Variants in ADGB observed in about 807,000 individuals in gnomAD.
The protein encoded by ADGB is calpain-7-like protein.
ADGB carries 172 observed loss-of-function variants against 210.5 expected under a neutral mutation model. That is an observed-to-expected ratio of 0.82 (90% confidence interval 0.72 to 0.93). The LOEUF (loss-of-function observed/expected upper bound fraction) is 0.93. Ranked by LOEUF, ADGB falls within the 40% of genes least tolerant of loss-of-function variation. ADGB has a pLI of 0.00. For synonymous variants in ADGB, 658 were observed against 662.7 expected, an observed-to-expected ratio of 0.99 and a Z score of 0.11; for missense variants, 2,025 against 1,964.8, an observed-to-expected ratio of 1.03 and a Z score of -0.58.
intron 33 of ADGB, 45 bp from the exon 34 acceptor site, chr6:146,801,138 T>C (rs1226220009): frequency 2.6e-6 from 3 of 1,138,790 alleles, no homozygotes; most frequent in Non-Finnish European, 3.6e-6. Context: ...TCATTATTAT[T>C]TTTTAAAGCC....
intron 26 of ADGB, among the ~76,000 whole-genome samples, chr6:146,750,479 G>A (rs943503983): frequency 6.6e-6 from 1 of 152,022 alleles, no homozygotes; most frequent in African/African-American, 2.4e-5. Flanking sequence ...TATCACTTGA[G>A]CCCAGGAGTT....
At position 146,785,629 on chromosome 6, in the gene ADGB, A is replaced by G. The variant is rs1363649867; in HGVS notation, c.4232A>G (p.His1411Arg). ...TTTTAGGCTTCTCAGGCTCGTTTGC[A>G]TTACCTTAGCGGGTTCATTAAGAAA... is the stretch of plus-strand genomic sequence containing the variant. ...RAIKASQARL[H>R]YLSGFIKKTS... Residue 1411 changes from histidine (H) to arginine (R), a missense_variant, in exon 32 of 36, where the codon CAT (histidine) becomes CGT (arginine). Coordinates refer to ENST00000397944, the MANE Select transcript of ADGB (RefSeq NM_024694.4). 1.3e-6 allele frequency: 2 copies of G among 1,550,548 alleles called. No homozygotes were observed. Among genetic ancestry groups the G allele is most frequent in the African/African-American group, 1.4e-5 (1 of 73,110 alleles).
At chr6:146,653,238 T>A (rs1252242212) in intron 3 of ADGB, among the ~76,000 whole-genome samples, 2 of 152,028 alleles carry the variant, frequency 1.3e-5, no homozygotes, top group African/African-American at 4.8e-5. Flanking sequence ...TTCCCGCTGA[T>A]GCTACATTAT....
intron 1 of ADGB, among the ~76,000 whole-genome samples, chr6:146,622,284 A>G (rs1416823051): frequency 6.6e-6 from 1 of 152,034 alleles, no homozygotes; most frequent in African/African-American, 2.4e-5. Context: ...GGGCTCAGCT[A>G]GTTTCTCTTT....
intron 3 of ADGB, among the ~76,000 whole-genome samples, chr6:146,652,951 C>T (rs975717741): frequency 2.6e-5 from 4 of 152,196 alleles, no homozygotes; most frequent in East Asian, 1.9e-4. Flanking sequence ...TGTTAGGAAC[C>T]GGGCCACACA....
At chr6:146,809,366 C>G (rs921507412) in intron 35 of ADGB, among the ~76,000 whole-genome samples, 11 of 152,124 alleles carry the variant, frequency 7.2e-5, no homozygotes, top group Admixed American at 6.5e-4. Context: ...CCACCACGCC[C>G]GGCTAATTTT....
intron 29 of ADGB, among the ~76,000 whole-genome samples, chr6:146,775,025 G>A (rs1314092368): frequency 2.0e-5 from 3 of 152,038 alleles, no homozygotes; most frequent in East Asian, 3.9e-4. Flanking sequence ...CACTCATCTC[G>A]GCCTTCCCAA....
intron 7 of ADGB, among the ~76,000 whole-genome samples, chr6:146,670,730 C>T (rs1775994525): frequency 6.6e-6 from 1 of 152,080 alleles, no homozygotes; most frequent in Non-Finnish European, 1.5e-5. Flanking sequence ...TTTTGTTTTG[C>T]TCAATGTAGT....
At chr6:146,802,369 A>C (rs1458791694) in intron 35 of ADGB, 1 of 168,814 alleles carries the variant, frequency 5.9e-6, no homozygotes, top group African/African-American at 2.4e-5. Context: ...TTTTTTTTTA[A>C]GTGTTTTTTA....
chr6:146,813,646 T>C (rs1223291010), intron 35 of ADGB, among the ~76,000 whole-genome samples: 1 of 152,224 alleles, frequency 6.6e-6, no homozygotes, highest in Non-Finnish European at 1.5e-5. Context: ...GTTTGTTTAA[T>C]TAATGAATCA....
intron 31 of ADGB, 41 bp from the exon 32 acceptor site, chr6:146,785,569 T>G: frequency 6.6e-7 from 1 of 1,504,822 alleles, no homozygotes; most frequent in Non-Finnish European, 9.0e-7. Context: ...GGTTGTTGCT[T>G]TTGAAGAGCT....
chr6:146,691,554 C>T (rs1369558764), intron 11 of ADGB, among the ~76,000 whole-genome samples: 5 of 103,702 alleles, frequency 4.8e-5, no homozygotes, highest in Admixed American at 1.2e-4. Flanking sequence ...GTGGCCTAGG[C>T]TGGAGTGCAG....
chr6:146,691,491 TATATA>T, intron 11 of ADGB, among the ~76,000 whole-genome samples: 1 of 17,198 alleles, frequency 5.8e-5, no homozygotes, highest in African/African-American at 3.7e-4. Context: ...TATATATATA[TATATA>T]TATATTTTTT....
chr6:146,710,142 TAA>T (rs1776639588), intron 13 of ADGB, among the ~76,000 whole-genome samples: 1 of 150,906 alleles, frequency 6.6e-6, no homozygotes, highest in East Asian at 1.9e-4. Flanking sequence ...CATATATATA[TAA>T]AATCATATTA....
intron 20 of ADGB, among the ~76,000 whole-genome samples, chr6:146,730,879 C>T (rs1157541930): frequency 6.6e-6 from 1 of 152,108 alleles, no homozygotes; most frequent in South Asian, 2.1e-4. Context: ...GCAGAGGTTG[C>T]AGTAAGCTGA....
At position 146,717,000 on chromosome 6, in the gene ADGB, T is replaced by G. The variant is rs1254419027; in HGVS notation, c.1859T>G (p.Leu620Arg). 1.9e-6 allele frequency: 3 copies of G among 1,551,544 alleles called. No individual in the cohort carries two copies. In the East Asian group the frequency reaches 7.3e-5, roughly 38 times the overall value. The change falls in exon 15 of 36, where the codon CTT becomes CGT. Residue 620 changes from leucine to arginine, a missense_variant. Leu to Arg is a moderately radical substitution (Grantham distance 102). Transcript: ENST00000397944. Reference sequence around the variant, plus strand: ...ACACAGGAAAAGTCACAGGAAGAACTTCCAACAACAAATAATAGTGTTTCT... The same window carrying G: ...ACACAGGAAAAGTCACAGGAAGAACGTCCAACAACAAATAATAGTGTTTCT... ...TATQEKSQEE[L>R]PTTNNSVSKE...
chr6:146,664,331 C>A lies in ADGB; in HGVS notation c.743C>A (p.Ala248Glu). The A allele has an allele frequency of 6.5e-7, 1 of 1,547,124 alleles. No individual in the cohort carries two copies. Among genetic ancestry groups the A allele is most frequent in the Non-Finnish European group, 8.7e-7 (1 of 1,145,032 alleles). Residue 248 changes from alanine to glutamate, a missense_variant, in exon 6 of 36, where the codon GCA becomes GAA. Coordinates refer to ENST00000397944, the MANE Select transcript of ADGB (RefSeq NM_024694.4). Reference sequence around the variant, plus strand: ...TTGTCTAAAGCTATTATCAAGCTGGCAAATATTGAGTATGTAATGACACTA... The same window carrying A: ...TTGTCTAAAGCTATTATCAAGCTGGAAAATATTGAGTATGTAATGACACTA... ...MLLSKAIIKL[A>E]NIDIHVADRR...
chr6:146,795,631 T>C (rs1395499094), intron 33 of ADGB, among the ~76,000 whole-genome samples: 1 of 152,122 alleles, frequency 6.6e-6, no homozygotes, highest in African/African-American at 2.4e-5. Context: ...AGAATGGCTA[T>C]TATTAATAGC....
chr6:146,676,501 A>T, intron 9 of ADGB, 60 bp downstream of exon 9: 1 of 1,215,970 alleles, frequency 8.2e-7, no homozygotes, highest in Non-Finnish European at 1.1e-6. Context: ...ATGCTGGAAA[A>T]CCTTGGAACA....
Sources: allele counts gnomAD v4.1 joint callset (sites outside exome capture counted in the v4.1 genomes callset), GRCh38; gene constraint gnomAD v4.1.1; transcripts MANE v1.5; gene names NCBI Gene and HGNC (gene_info 2026-07-23, HGNC 2026-07-21).